UGCG: variants seen among roughly 807,000 people sequenced by gnomAD.
UGCG encodes the protein UDP-glucose ceramide glucosyltransferase.
UGCG carries 10 observed loss-of-function variants against 49.5 expected under a neutral mutation model. That is an observed-to-expected ratio of 0.20 (90% CI 0.12 to 0.34). The LOEUF (loss-of-function observed/expected upper bound fraction) is 0.34. UGCG is among the 10% of genes least tolerant of loss of function. UGCG has a pLI of 1.00. For missense variants in UGCG, 312 were observed against 483.7 expected, an observed-to-expected ratio of 0.65 and a Z score of 3.33; for synonymous variants, 182 against 158.2, an observed-to-expected ratio of 1.15 and a Z score of -1.13.
At chr9:111,906,122 G>A (rs1262612627) in intron 1 of UGCG, among the ~76,000 whole-genome samples, 2 of 152,260 alleles carry the variant, frequency 1.3e-5, no homozygotes, top group South Asian at 4.2e-4. Flanking sequence ...ATCTCTACCT[G>A]TGGGCATTAT....
At chr9:111,909,057 T>G (rs1342863744) in intron 1 of UGCG, among the ~76,000 whole-genome samples, 1 of 152,222 alleles carries the variant, frequency 6.6e-6, no homozygotes, top group Admixed American at 6.5e-5. Context: ...TAGCTGGAAT[T>G]ATAGGCGTGT....
At chr9:111,905,608 C>T (rs1042731128) in intron 1 of UGCG, among the ~76,000 whole-genome samples, 4 of 151,866 alleles carry the variant, frequency 2.6e-5, no homozygotes, top group African/African-American at 7.3e-5. Context: ...GGCGCACCAC[C>T]GTGCCCGGCT....
chr9:111,908,210 A>G (rs1837923292), intron 1 of UGCG, among the ~76,000 whole-genome samples: 1 of 152,212 alleles, frequency 6.6e-6, no homozygotes, highest in African/African-American at 2.4e-5. Context: ...ATCAACAGAA[A>G]GTAAATAAAG....
chr9:111,910,584 T>G (rs898500157), intron 1 of UGCG, among the ~76,000 whole-genome samples: 1 of 152,194 alleles, frequency 6.6e-6, no homozygotes, highest in Non-Finnish European at 1.5e-5. Context: ...TAACTGTCAT[T>G]CCTAGAACTT....
At chr9:111,922,974 A>G in intron 3 of UGCG, 23 bp downstream of exon 3, 2 of 1,473,950 alleles carry the variant, frequency 1.4e-6, no homozygotes, top group Non-Finnish European at 1.9e-6. Context: ...TTCTGTAGTA[A>G]CCATTTTCCA....
At chr9:111,914,216 C>T (rs888956279) in intron 1 of UGCG, among the ~76,000 whole-genome samples, 6 of 152,124 alleles carry the variant, frequency 3.9e-5, no homozygotes, top group Admixed American at 6.5e-5. Flanking sequence ...GAAATGCCTG[C>T]GCTATGCCTG....
At chr9:111,921,650 A>G (rs1284278282) in intron 2 of UGCG, among the ~76,000 whole-genome samples, 1 of 147,438 alleles carries the variant, frequency 6.8e-6, no homozygotes, top group Non-Finnish European at 1.5e-5. Flanking sequence ...CTCTGTCTCA[A>G]AAAAAAAAAA....
chr9:111,917,179 T>C (rs1337061107), intron 2 of UGCG, among the ~76,000 whole-genome samples: 1 of 152,218 alleles, frequency 6.6e-6, no homozygotes, highest in African/African-American at 2.4e-5. Flanking sequence ...TTTTATTCTT[T>C]GTTAGTACAG....
At chr9:111,914,924 G>T in intron 2 of UGCG, 178 bp downstream of exon 2, 1 of 887,846 alleles carries the variant, frequency 1.1e-6, no homozygotes, top group Non-Finnish European at 1.6e-6. Flanking sequence ...GGTTGAGGAA[G>T]GGGTGTAAAT....
chr9:111,930,837 G>A (rs1390958606), intron 6 of UGCG, among the ~76,000 whole-genome samples: 1 of 152,194 alleles, frequency 6.6e-6, no homozygotes, highest in Non-Finnish European at 1.5e-5. Context: ...AAAAACTGAA[G>A]TGTGTTTTAA....
intron 5 of UGCG, 97 bp from the exon 6 acceptor site, chr9:111,929,403 A>T: frequency 7.9e-7 from 1 of 1,271,844 alleles, no homozygotes; most frequent in Middle Eastern, 2.5e-4. Flanking sequence ...TATTCACTCA[A>T]TCATACTTAT....
At position 111,924,977 on chromosome 9, in the gene UGCG, A is replaced by G. The variant is rs1480016477; in HGVS notation, c.445+99A>G. ...ATTCATGAGTTCTTTTTATTTGCCTAAAAGAGTAATTTATTTCATCATCAT... is the reference window on the plus strand; with the variant it reads ...ATTCATGAGTTCTTTTTATTTGCCTGAAAGAGTAATTTATTTCATCATCAT... On this transcript the variant is annotated intron_variant, in intron 4 of 8. Transcript: ENST00000374279. The G allele has an allele frequency of 5.2e-6, 3 of 571,864 alleles. No homozygotes were observed. In the African/African-American group the frequency reaches 5.9e-5, roughly 11 times the overall value. The allele number at this position is 571,864 out of a possible 1,614,324, so 35.4% of individuals were successfully genotyped here.
intron 5 of UGCG, 181 bp from the exon 6 acceptor site, chr9:111,929,319 T>C (rs1838379116): frequency 4.0e-6 from 2 of 497,136 alleles, no homozygotes; most frequent in East Asian, 3.6e-5. Context: ...TTTAGCTTAC[T>C]AACTGTGCTT....
intron 6 of UGCG, among the ~76,000 whole-genome samples, chr9:111,930,985 G>A (rs1185691657): frequency 6.6e-6 from 1 of 152,028 alleles, no homozygotes; most frequent in Admixed American, 6.6e-5. Flanking sequence ...TAAATATGGA[G>A]CCCTCTCCAT....
chr9:111,896,983 A>ACCCGCTGCCG lies in UGCG; in HGVS notation c.-228_-227insTGCCGCCCGC. ...CCGACCAGAGCCGGGAGACCGCAGCACCCGCAGCCGCCCGCGAGCGCGCCG... is the reference window on the plus strand; with the variant it reads ...CCGACCAGAGCCGGGAGACCGCAGCACCCGCTGCCGCCCGCAGCCGCCCGCGAGCGCGCCG... On this transcript the variant is annotated 5_prime_UTR_variant, in exon 1 of 9. Transcript: ENST00000374279. 4.4e-6 allele frequency: 1 copy of ACCCGCTGCCG among 226,120 alleles called. No individual in the cohort carries two copies. Among genetic ancestry groups the ACCCGCTGCCG allele is most frequent in the Non-Finnish European group, 8.4e-6 (1 of 118,856 alleles). 14.0% of individuals were successfully genotyped at this position (226,120 alleles called of 1,614,324 possible).
chr9:111,906,386 C>G (rs1837883319), intron 1 of UGCG, among the ~76,000 whole-genome samples: 1 of 152,050 alleles, frequency 6.6e-6, no homozygotes. Context: ...CTCACCTTCT[C>G]TTGACTTTGC....
At chr9:111,917,435 A>G (rs1218319833) in intron 2 of UGCG, among the ~76,000 whole-genome samples, 3 of 152,232 alleles carry the variant, frequency 2.0e-5, no homozygotes, top group Non-Finnish European at 4.4e-5. Flanking sequence ...AAGGAGACCC[A>G]AAATAAACAT....
At chr9:111,897,757 T>C (rs2131709668) in intron 1 of UGCG, among the ~76,000 whole-genome samples, 1 of 151,996 alleles carries the variant, frequency 6.6e-6, no homozygotes, top group East Asian at 1.9e-4. Flanking sequence ...TCTGTGGATT[T>C]TCTTCTTCCT....
intron 7 of UGCG, among the ~76,000 whole-genome samples, 173 bp downstream of exon 7, chr9:111,931,530 G>A (rs964252419): frequency 1.3e-5 from 2 of 152,130 alleles, no homozygotes; most frequent in African/African-American, 2.4e-5. Flanking sequence ...ATGTCTAAAT[G>A]TATTTTATTT....
Sources: gnomAD v4.1 joint callset for allele counts (sites outside exome capture counted in the v4.1 genomes callset) on GRCh38, gnomAD v4.1.1 for gene constraint, MANE v1.5 for transcripts, NCBI Gene and HGNC (gene_info 2026-07-23, HGNC 2026-07-21) for gene names.